SH3YL1: variants seen among roughly 807,000 people sequenced by gnomAD.
SH3YL1 encodes SH3 domain-containing YSC84-like protein 1.
In SH3YL1, 41 loss-of-function variants were observed where a neutral mutation model predicts 45.8. That is an observed-to-expected ratio of 0.89 (90% CI 0.70 to 1.16). The LOEUF is 1.16. Among genes scored for constraint, SH3YL1 ranks in the 50% most tolerant of loss-of-function variants. The probability of loss-of-function intolerance (pLI) is 0.00; values close to 1 mark genes in which losing one functional copy is unlikely to be tolerated. For synonymous variants in SH3YL1, 152 were observed against 151.4 expected (o/e 1.00, Z -0.03); for missense variants, 389 against 409.6 (o/e 0.95, Z 0.43).
chr2:219,401 CT>C (rs1339025358), intron 9 of SH3YL1, among the ~76,000 whole-genome samples: 1 of 152,086 alleles, frequency 6.6e-6, no homozygotes, highest in Non-Finnish European at 1.5e-5. Context: ...ACGTTTCCCC[CT>C]CATGAATGGG....
chr2:249,633 C>A, intron 3 of SH3YL1, 98 bp downstream of exon 3: 2 of 873,278 alleles, frequency 2.3e-6, no homozygotes, highest in Non-Finnish European at 1.8e-6. Context: ...AGTTGATATG[C>A]AGGAAACCTG....
In SH3YL1 at chr2:218,602, C is replaced by T. The variant is rs1667445743; in HGVS notation, c.*209G>A. 1 of 516,988 alleles carries T rather than the reference C, an allele frequency of 1.9e-6. No individual in the cohort carries two copies. Among genetic ancestry groups the T allele is most frequent in the South Asian group, 3.2e-5 (1 of 30,968 alleles). The allele number at this position is 516,988 out of a possible 1,614,324, so 32.0% of individuals were successfully genotyped here. Reference sequence around the variant, plus strand: ...ATAAACTGTATGATATTCTATGACACAGTAAGTGTGATAAAGTTAGTACAA... The same window carrying T: ...ATAAACTGTATGATATTCTATGACATAGTAAGTGTGATAAAGTTAGTACAA... On this transcript the variant is annotated 3_prime_UTR_variant, in exon 10 of 10. Transcript: ENST00000356150.
intron 9 of SH3YL1, among the ~76,000 whole-genome samples, chr2:221,199 A>G (rs1667557306): frequency 6.6e-6 from 1 of 152,210 alleles, no homozygotes; most frequent in East Asian, 1.9e-4. Context: ...AACCTCATAA[A>G]TATGAAATTG....
intron 9 of SH3YL1, 116 bp downstream of exon 9, chr2:224,748 T>C: frequency 2.6e-6 from 2 of 769,878 alleles, no homozygotes; most frequent in Non-Finnish European, 2.2e-6. Context: ...GAATATTCTA[T>C]AAATTAAAGG....
At chr2:230,790 T>C (rs1006725451) in intron 7 of SH3YL1, 2 of 509,748 alleles carry the variant, frequency 3.9e-6, no homozygotes, top group East Asian at 3.5e-5. Context: ...GTATTATTGA[T>C]ACAACAAAGT....
chr2:231,442 A>G (rs778909478), intron 6 of SH3YL1, among the ~76,000 whole-genome samples: 1 of 152,232 alleles, frequency 6.6e-6, no homozygotes, highest in African/African-American at 2.4e-5. Context: ...TATAAAAAGC[A>G]CATCCACATT....
At chr2:249,202 A>G (rs1668966243) in intron 3 of SH3YL1, among the ~76,000 whole-genome samples, 1 of 152,222 alleles carries the variant, frequency 6.6e-6, no homozygotes, top group Non-Finnish European at 1.5e-5. Flanking sequence ...TTTCATCTCT[A>G]AAGAATCAAG....
chr2:261,381 C>T (rs1669585098), intron 1 of SH3YL1: 1 of 152,172 alleles, frequency 6.6e-6, no homozygotes, highest in Admixed American at 6.5e-5. Flanking sequence ...TCCCTTGAAT[C>T]AGGCAAAATC....
intron 7 of SH3YL1, chr2:230,633 A>G: frequency 3.8e-6 from 1 of 264,152 alleles, no homozygotes; most frequent in Non-Finnish European, 7.3e-6. Flanking sequence ...CAGCCTCCTG[A>G]GTAGCTGAGA....
chr2:237,813 C>T (rs186973163), intron 4 of SH3YL1, among the ~76,000 whole-genome samples: 171 of 151,982 alleles, frequency 1.1e-3, no homozygotes, highest in Non-Finnish European at 1.5e-3. Context: ...ATGTAGTCCA[C>T]TATAAATCAA....
At chr2:254,213 T>C (rs1669208156) in intron 1 of SH3YL1, among the ~76,000 whole-genome samples, 2 of 152,230 alleles carry the variant, frequency 1.3e-5, no homozygotes, top group Admixed American at 1.3e-4. Flanking sequence ...GACTTGGGAA[T>C]TGAGCCTACA....
chr2:230,477 A>G (rs1667986008), intron 7 of SH3YL1: 1 of 169,574 alleles, frequency 5.9e-6, no homozygotes, highest in Non-Finnish European at 1.3e-5. Context: ...CGGTGCCCCA[A>G]GGCCTGACAT....
At chr2:243,602 C>T in intron 4 of SH3YL1, 1 of 1,516,132 alleles carries the variant, frequency 6.6e-7, no homozygotes, top group Non-Finnish European at 8.8e-7. Context: ...GTAACCTGAA[C>T]TACCTATCAA....
At chr2:228,279 G>A (rs947545235) in intron 8 of SH3YL1, among the ~76,000 whole-genome samples, 1 of 152,162 alleles carries the variant, frequency 6.6e-6, no homozygotes, top group South Asian at 2.1e-4. Context: ...AGGGTTCGGG[G>A]AACACACGTG....
intron 1 of SH3YL1, among the ~76,000 whole-genome samples, chr2:253,592 C>A (rs896820757): frequency 1.3e-5 from 2 of 152,338 alleles, no homozygotes; most frequent in Middle Eastern, 3.4e-3. Context: ...ATTGCCCACC[C>A]CTTTTCCAGA....
Position 253,348 on chromosome 2 carries a change from C to T in SH3YL1, c.2-233G>A, listed in dbSNP as rs183711129. 1.6e-4 allele frequency among the ~76,000 whole-genome samples: 24 copies of T among 152,266 alleles called. No homozygotes were observed. In the East Asian group the frequency reaches 3.7e-3, roughly 23 times the overall value. ...GGAGGTCCGCACAAGATACAGGTAA[C>T]GAAGACCTTGCTGATAAAACAGCAT... On this transcript the variant is annotated intron_variant, in intron 1 of 9. Transcript: ENST00000356150.
At chr2:226,449 T>TATATA (rs1667788634) in intron 8 of SH3YL1, among the ~76,000 whole-genome samples, 1 of 152,228 alleles carries the variant, frequency 6.6e-6, no homozygotes, top group Non-Finnish European at 1.5e-5. Flanking sequence ...GATGTTTACA[T>TATATA]TCACTAATAG....
At chr2:249,505 C>T (rs1381267197) in intron 3 of SH3YL1, among the ~76,000 whole-genome samples, 1 of 152,236 alleles carries the variant, frequency 6.6e-6, no homozygotes, top group Admixed American at 6.5e-5. Flanking sequence ...TTATATCTAC[C>T]TGTCTTGTCT....
chr2:260,513 A>T (rs1383238131), intron 1 of SH3YL1: 2 of 152,152 alleles, frequency 1.3e-5, no homozygotes, highest in African/African-American at 2.4e-5. Context: ...CTGCCAGAAT[A>T]ACTTTTTCCA....
Sources: allele counts gnomAD v4.1 joint callset (sites outside exome capture counted in the v4.1 genomes callset), GRCh38; gene constraint gnomAD v4.1.1; transcripts MANE v1.5; gene names NCBI Gene and HGNC (gene_info 2026-07-23, HGNC 2026-07-21).